The following ARHGAP21 variants were observed in gnomAD, a reference collection of about 807,000 sequenced individuals.
The protein encoded by ARHGAP21 is rho GTPase-activating protein 21.
In ARHGAP21, 38 loss-of-function variants were observed where a neutral mutation model predicts 164.6. That is an observed-to-expected ratio of 0.23 (90% CI 0.18 to 0.30). The LOEUF is 0.30. ARHGAP21 is among the 10% of genes least tolerant of loss of function. The probability of loss-of-function intolerance (pLI) is 1.00; values close to 1 mark genes in which losing one functional copy is unlikely to be tolerated. For missense variants in ARHGAP21, 1,822 were observed against 2,370.7 expected, an observed-to-expected ratio of 0.77 and a Z score of 4.81; for synonymous variants, 766 against 857.9, an observed-to-expected ratio of 0.89 and a Z score of 1.87.
At chr10:24,668,731 G>C (rs1840423692) in intron 3 of ARHGAP21, among the ~76,000 whole-genome samples, 1 of 151,644 alleles carries the variant, frequency 6.6e-6, no homozygotes, top group Non-Finnish European at 1.5e-5. Flanking sequence ...TTCACATAAA[G>C]TTGCAGTTTC....
At chr10:24,589,561 A>G (rs1159302911) in intron 24 of ARHGAP21, 3 of 419,014 alleles carry the variant, frequency 7.2e-6, no homozygotes, top group Non-Finnish European at 1.3e-5. Context: ...CTAAACAAAA[A>G]CAGAAACACT....
Position 24,621,017 on chromosome 10 carries a change from C to T in ARHGAP21, c.878G>A (p.Gly293Asp), listed in dbSNP as rs375309776. The T allele has an allele frequency of 2.7e-5, 44 of 1,613,866 alleles. No homozygotes were observed. The highest frequency in any genetic ancestry group is 1.6e-4 in the Middle Eastern group (1 of 6,078). The part of the protein sequence containing the change: ...DLLSNRNNHT[G>D]PSHRTEEVRY... ...CACTTCTTCAGTTCTATGTGAAGGACCTGTATGGTTGTTTCTATTGGATAA... is the reference window on the plus strand; with the variant it reads ...CACTTCTTCAGTTCTATGTGAAGGATCTGTATGGTTGTTTCTATTGGATAA... Residue 293 changes from glycine (G) to aspartate (D), a missense_variant, in exon 9 of 26, where the codon GGT (glycine) becomes GAT (aspartate). By Grantham distance (94) the Gly-to-Asp change is moderately conservative. Coordinates refer to ENST00000396432, the MANE Select transcript of ARHGAP21 (RefSeq NM_020824.4).
At chr10:24,634,972 A>C (rs751972660) in intron 5 of ARHGAP21, 39 bp downstream of exon 5, 2 of 1,379,396 alleles carry the variant, frequency 1.4e-6, no homozygotes, top group Non-Finnish European at 9.7e-7. Flanking sequence ...AAAGTGAAAA[A>C]GAAATTAAAA....
intron 7 of ARHGAP21, chr10:24,628,997 T>A (rs1180995169): frequency 4.0e-5 from 3 of 75,356 alleles, no homozygotes; most frequent in African/African-American, 6.0e-5. Flanking sequence ...TTTTTTTTTT[T>A]TTTTTTTTTT....
intron 4 of ARHGAP21, among the ~76,000 whole-genome samples, chr10:24,656,526 A>G (rs866881813): frequency 1.3e-4 from 10 of 75,822 alleles, no homozygotes; most frequent in East Asian, 4.6e-4. Flanking sequence ...TTGGGGGGTC[A>G]GCCCCCCGCC....
At chr10:24,629,540 A>C (rs965137750) in intron 7 of ARHGAP21, 1 of 160,978 alleles carries the variant, frequency 6.2e-6, no homozygotes. Context: ...TACAAACGTA[A>C]TATTTATTGG....
At chr10:24,616,008 C>A (rs906468600) in intron 9 of ARHGAP21, among the ~76,000 whole-genome samples, 1 of 152,082 alleles carries the variant, frequency 6.6e-6, no homozygotes, top group African/African-American at 2.4e-5. Context: ...GAACTCCCAA[C>A]CTCAAGTGAT....
intron 2 of ARHGAP21, among the ~76,000 whole-genome samples, chr10:24,695,681 A>G (rs533334789): frequency 9.9e-5 from 15 of 152,132 alleles, no homozygotes; most frequent in African/African-American, 3.6e-4. Flanking sequence ...CTCTTCCATC[A>G]TTTCTTCTTA....
Position 24,619,706 on chromosome 10 carries a change from T to C in ARHGAP21, c.2189A>G (p.Asp730Gly). The C allele has an allele frequency of 1.2e-6, 2 of 1,614,202 alleles. No individual in the cohort carries two copies. Among genetic ancestry groups the C allele is most frequent in the Non-Finnish European group, 1.7e-6 (2 of 1,180,038 alleles). The change falls in exon 9 of 26, where the codon GAT (aspartate) becomes GGT (glycine). Residue 730 changes from aspartate (D) to glycine (G), a missense_variant. Asp to Gly is a moderately conservative substitution (Grantham distance 94). This residue lies in a region of ARHGAP21 where 1,090 missense variants were observed against 1,378.9 expected (regional missense o/e 0.79). Transcript: ENST00000396432. ...CCTTAGGATGACAGCTTCTTTATTATCTAAAGTATCTGATTGCTCAGTTTC... is the reference window on the plus strand; with the variant it reads ...CCTTAGGATGACAGCTTCTTTATTACCTAAAGTATCTGATTGCTCAGTTTC... Reference protein sequence around the residue: ...EAETEQSDTLDNKEAVILREK... With the variant: ...EAETEQSDTLGNKEAVILREK...
chr10:24,707,338 C>T (rs1423098367), intron 2 of ARHGAP21, among the ~76,000 whole-genome samples: 3 of 152,184 alleles, frequency 2.0e-5, no homozygotes, highest in Non-Finnish European at 4.4e-5. Flanking sequence ...AAAACAGTGT[C>T]TAACAGATAT....
In ARHGAP21 at chr10:24,620,823, T is replaced by C. The variant is rs1228765893; in HGVS notation, c.1072A>G (p.Ile358Val). ...ACAGCTTGAGATCTGCTGCTTGAGA[T>C]TCCATCAGAATGTCCACTGTAATTT... The part of the protein sequence containing the change: ...SGNYSGHSDG[I>V]SSSRSQAVEA... The change falls in exon 9 of 26, where the codon ATC becomes GTC. Residue 358 changes from isoleucine to valine, a missense_variant. Transcript: ENST00000396432. 6 of 1,614,018 alleles carry C rather than the reference T, an allele frequency of 3.7e-6. No individual in the cohort carries two copies. The highest frequency in any genetic ancestry group is 3.3e-5 in the Admixed American group (2 of 59,996).
At chr10:24,687,643 T>C (rs982412929) in intron 2 of ARHGAP21, among the ~76,000 whole-genome samples, 2 of 152,230 alleles carry the variant, frequency 1.3e-5, no homozygotes, top group African/African-American at 4.8e-5. Context: ...AAATCTTGTT[T>C]ACTCTGAATC....
rs2076847068 is a variant in ARHGAP21, at chr10:24,602,316, T to G, written c.2722-213A>C. Among the ~76,000 whole-genome samples the G allele has an allele frequency of 2.6e-5, 4 of 152,300 alleles. No individual in the cohort carries two copies. The South Asian group carries it at 8.3e-4, about 32-fold the overall frequency. ...CATTAAAAATAACAAATGACGTAAT[T>G]TTCCTGTTCTTATTAGTTCACATTT... On this transcript the variant is annotated intron_variant, in intron 12 of 25. Transcript: ENST00000396432.
intron 7 of ARHGAP21, among the ~76,000 whole-genome samples, chr10:24,627,010 T>C (rs925888703): frequency 1.3e-5 from 2 of 152,220 alleles, no homozygotes; most frequent in African/African-American, 4.8e-5. Context: ...CATCCATGAA[T>C]TATGAAACCT....
chr10:24,606,834 G>A lies in ARHGAP21; in HGVS notation c.2684+665C>T, dbSNP rs1433983090. ...CCAGCCTGGGCAACAAGAGCAAAAT[G>A]TCTCAAAAATAAATAAATTTTTAAA... On this transcript the variant is annotated intron_variant, in intron 11 of 25. Coordinates refer to ENST00000396432, the MANE Select transcript of ARHGAP21 (RefSeq NM_020824.4). Among the ~76,000 whole-genome samples, 5 of 152,052 alleles carry A rather than the reference G, an allele frequency of 3.3e-5. No individual in the cohort carries two copies. In the East Asian group the frequency reaches 9.6e-4, roughly 29 times the overall value.
At chr10:24,681,644 T>A (rs1254994387) in intron 2 of ARHGAP21, among the ~76,000 whole-genome samples, 2 of 151,754 alleles carry the variant, frequency 1.3e-5, no homozygotes, top group Non-Finnish European at 3.0e-5. Context: ...TTTTGTCTTT[T>A]TTTTTTTCCA....
intron 18 of ARHGAP21, 37 bp downstream of exon 18, chr10:24,595,850 GA>G (rs3833494): frequency 0.31 from 498,605 of 1,604,766 alleles, 78,219 homozygotes; most frequent in Admixed American, 0.35. Flanking sequence ...ACCAAAGGGG[GA>G]AAAAAAAGGA....
chr10:24,619,681 C>A lies in ARHGAP21; in HGVS notation c.2214G>T (p.Arg738Ser). Residue 738 changes from arginine (R) to serine (S), a missense_variant, in exon 9 of 26, where the codon AGG (arginine) becomes AGT (serine). Coordinates refer to ENST00000396432, the MANE Select transcript of ARHGAP21 (RefSeq NM_020824.4). ...TCTGGCGTCCAGATGGAGGTTTTTC[C>A]CTTAGGATGACAGCTTCTTTATTAT... Reference protein sequence around the residue: ...TLDNKEAVILREKPPSGRQTP... With the variant: ...TLDNKEAVILSEKPPSGRQTP... The A allele has an allele frequency of 6.2e-7, 1 of 1,614,090 alleles. No individual in the cohort carries two copies. The highest frequency in any genetic ancestry group is 8.5e-7 in the Non-Finnish European group (1 of 1,180,012).
rs139811076 is a variant in ARHGAP21, at chr10:24,620,601, G to A, written c.1294C>T (p.Arg432Cys). ...CGACGTCGTCCCTGCAAAGTAGTGCGGTTGGGGACGACCTGGTTATAATCT... is the reference window on the plus strand; with the variant it reads ...CGACGTCGTCCCTGCAAAGTAGTGCAGTTGGGGACGACCTGGTTATAATCT... ...TTDYNQVVPN[R>C]TTLQGRRRST... Residue 432 changes from arginine to cysteine, a missense_variant, in exon 9 of 26, where the codon CGC (arginine) becomes TGC (cysteine). Coordinates refer to ENST00000396432, the MANE Select transcript of ARHGAP21 (RefSeq NM_020824.4). The A allele has an allele frequency of 1.2e-5, 20 of 1,614,206 alleles. No individual in the cohort carries two copies. The highest frequency in any genetic ancestry group is 4.5e-5 in the East Asian group (2 of 44,880).
Sources: gnomAD v4.1 joint callset for allele counts (sites outside exome capture counted in the v4.1 genomes callset) on GRCh38, gnomAD v4.1.1 for gene constraint, gnomAD v4.1.1 regional missense constraint, MANE v1.5 for transcripts, NCBI Gene and HGNC (gene_info 2026-07-23, HGNC 2026-07-21) for gene names.